DYNLRB1: variants seen among roughly 807,000 people sequenced by gnomAD.
DYNLRB1 encodes the protein dynein light chain roadblock-type 1.
Under a neutral mutation model 13.5 loss-of-function variants are expected in DYNLRB1, and 6 were observed. The observed-to-expected ratio is 0.44, with a 90% CI of 0.24 to 0.88. DYNLRB1 has a LOEUF of 0.88. DYNLRB1 is among the 40% of genes least tolerant of loss of function. The pLI, the probability that DYNLRB1 is intolerant of heterozygous loss-of-function variation, is 0.21. For missense variants in DYNLRB1, 93 were observed against 127.2 expected (o/e 0.73, Z 1.29); for synonymous variants, 43 against 45.0 (o/e 0.96, Z 0.18).
chr20:34,517,123 A>T (rs994071950), intron 1 of DYNLRB1, among the ~76,000 whole-genome samples: 1 of 152,166 alleles, frequency 6.6e-6, no homozygotes, highest in African/African-American at 2.4e-5. Context: ...GTGGGTTCTC[A>T]ACGCCGTTAC....
At chr20:34,535,581 G>T (rs984907384) in intron 3 of DYNLRB1, 1 of 953,382 alleles carries the variant, frequency 1.0e-6, no homozygotes, top group African/African-American at 1.8e-5. Flanking sequence ...GGCAGGCAGA[G>T]CCTCCAGGGC....
At chr20:34,516,109 G>T (rs962151286), upstream of DYNLRB1, among the ~76,000 whole-genome samples, 2 of 152,190 alleles carry the variant, frequency 1.3e-5, no homozygotes, top group African/African-American at 4.8e-5. Context: ...TGCCCAGGCT[G>T]GTCTCGAACT....
chr20:34,528,161 AATTAG>A, intron 2 of DYNLRB1, among the ~76,000 whole-genome samples: 1 of 92,196 alleles, frequency 1.1e-5, no homozygotes, highest in Non-Finnish European at 2.3e-5. Context: ...AAATACAAAA[AATTAG>A]CCGGGCGTAG....
chr20:34,532,483 C>T (rs1980785999), intron 2 of DYNLRB1, among the ~76,000 whole-genome samples: 1 of 152,186 alleles, frequency 6.6e-6, no homozygotes. Context: ...TGGCAAGAAA[C>T]TGGCCCAGTC....
intron 3 of DYNLRB1, among the ~76,000 whole-genome samples, chr20:34,539,997 A>G (rs1213508339): frequency 1.3e-5 from 2 of 152,092 alleles, no homozygotes; most frequent in Admixed American, 6.6e-5. Context: ...AGAGAGAGAA[A>G]AAAGAAAATG....
intron 3 of DYNLRB1, among the ~76,000 whole-genome samples, chr20:34,539,043 A>G (rs1057107513): frequency 6.6e-6 from 1 of 152,238 alleles, no homozygotes; most frequent in Non-Finnish European, 1.5e-5. Context: ...CAATGTTTGC[A>G]GTTTGATTAA....
At chr20:34,530,742 T>C (rs1361658996) in intron 2 of DYNLRB1, 1 of 152,202 alleles carries the variant, frequency 6.6e-6, no homozygotes. Flanking sequence ...TAAAGATGAT[T>C]ATTTGAGGAT....
chr20:34,515,880 G>A (rs1979129804), upstream of DYNLRB1, among the ~76,000 whole-genome samples: 1 of 151,990 alleles, frequency 6.6e-6, no homozygotes, highest in South Asian at 2.1e-4. Flanking sequence ...CCGATACCGA[G>A]AACCAGCATG....
At chr20:34,515,975 G>A (rs946329763), upstream of DYNLRB1, among the ~76,000 whole-genome samples, 26 of 152,164 alleles carry the variant, frequency 1.7e-4, no homozygotes, top group Non-Finnish European at 3.5e-4. Context: ...GCTCACTGCA[G>A]CCTCGAACTC....
intron 2 of DYNLRB1, among the ~76,000 whole-genome samples, chr20:34,527,841 A>G (rs1980354628): frequency 6.6e-6 from 1 of 152,104 alleles, no homozygotes; most frequent in South Asian, 2.1e-4. Flanking sequence ...GCCTCAGATC[A>G]TGTTTTCAGG....
chr20:34,519,519 A>G (rs1385704563), intron 1 of DYNLRB1, among the ~76,000 whole-genome samples: 1 of 152,136 alleles, frequency 6.6e-6, no homozygotes, highest in East Asian at 1.9e-4. Context: ...AATAAGAGAA[A>G]ACAGAAGTTG....
At chr20:34,516,350 C>T, upstream of DYNLRB1, 1 of 1,481,556 alleles carries the variant, frequency 6.7e-7, no homozygotes, top group South Asian at 1.4e-5. Context: ...CACGCTGGCT[C>T]CTGATAGGCA....
At chr20:34,523,509 A>T (rs1278178537) in intron 1 of DYNLRB1, among the ~76,000 whole-genome samples, 1 of 151,966 alleles carries the variant, frequency 6.6e-6, no homozygotes, top group East Asian at 1.9e-4. Context: ...CCCCCTGAAC[A>T]TACCGGATGC....
At chr20:34,517,724 G>A (rs901663299) in intron 1 of DYNLRB1, among the ~76,000 whole-genome samples, 1 of 151,314 alleles carries the variant, frequency 6.6e-6, no homozygotes, top group East Asian at 1.9e-4. Flanking sequence ...CGCCTCCCAG[G>A]TTCAAGTGAT....
intron 3 of DYNLRB1, among the ~76,000 whole-genome samples, chr20:34,539,287 C>G (rs1221846404): frequency 6.6e-6 from 1 of 152,180 alleles, no homozygotes; most frequent in Non-Finnish European, 1.5e-5. Context: ...CTTACAGGGC[C>G]AGATCCCTGG....
chr20:34,537,561 A>C (rs1981245385), intron 3 of DYNLRB1, among the ~76,000 whole-genome samples: 1 of 152,154 alleles, frequency 6.6e-6, no homozygotes, highest in Non-Finnish European at 1.5e-5. Flanking sequence ...TTAGGATGAA[A>C]ACCAGTGATT....
chr20:34,536,606 A>G (rs1192598943), intron 3 of DYNLRB1: 1 of 388,054 alleles, frequency 2.6e-6, no homozygotes, highest in African/African-American at 2.2e-5. Context: ...TTAGCTGGGC[A>G]TGGTGGCGCA....
At chr20:34,529,272 G>C (rs149755546) in intron 2 of DYNLRB1, among the ~76,000 whole-genome samples, 1 of 152,240 alleles carries the variant, frequency 6.6e-6, no homozygotes, top group Admixed American at 6.5e-5. Flanking sequence ...CTAGCCCAGT[G>C]TATTCAGTGG....
At chr20:34,528,699 A>G (rs1444418615) in intron 2 of DYNLRB1, among the ~76,000 whole-genome samples, 1 of 152,158 alleles carries the variant, frequency 6.6e-6, no homozygotes, top group Admixed American at 6.5e-5. Flanking sequence ...GGCGTGGTGC[A>G]TGGTTGCTCA....
Sources: gnomAD v4.1 joint callset for allele counts (sites outside exome capture counted in the v4.1 genomes callset) on GRCh38, gnomAD v4.1.1 for gene constraint, MANE v1.5 for transcripts, NCBI Gene and HGNC (gene_info 2026-07-23, HGNC 2026-07-21) for gene names.